The following NXN variants were observed in gnomAD, a reference collection of about 807,000 sequenced individuals.
The protein encoded by NXN is nucleoredoxin.
Under a neutral mutation model 48.6 loss-of-function variants are expected in NXN, and 16 were observed. That is an observed-to-expected ratio of 0.33 (90% confidence interval 0.22 to 0.50). The LOEUF (loss-of-function observed/expected upper bound fraction) is 0.50, where lower values mean the gene tolerates loss of function less well. Among genes scored for constraint, NXN ranks in the 20% least tolerant of loss-of-function variants. NXN has a pLI of 0.98. For missense variants in NXN, 492 were observed against 605.5 expected (o/e 0.81, Z 1.97); for synonymous variants, 281 against 269.6 (o/e 1.04, Z -0.41).
intron 1 of NXN, among the ~76,000 whole-genome samples, chr17:925,450 G>A (rs548381013): frequency 6.7e-4 from 102 of 152,284 alleles, no homozygotes; most frequent in African/African-American, 2.4e-3. Flanking sequence ...ATGCAATGGC[G>A]CGATCTCAGC....
chr17:959,493 GA>G lies in NXN; in HGVS notation c.360+19825del, dbSNP rs60665462. ...GCCCAATAAAGGACTTCAGAAGTGA[GA>G]AAAAAAAAAAAGGTGAAATAGGCCA... On this transcript the variant is annotated intron_variant, in intron 1 of 7. Transcript: ENST00000336868. 6.1e-4 allele frequency: 90 copies of G among 147,918 alleles called. 1 individual carries two copies. The highest frequency in any genetic ancestry group is 1.8e-3 in the African/African-American group (71 of 39,730). The allele number at this position is 147,918 out of a possible 1,614,324, so 9.2% of individuals were successfully genotyped here. A position where few individuals can be genotyped will look rare whatever the true frequency, so the allele number is the denominator to read the frequency against.
intron 1 of NXN, among the ~76,000 whole-genome samples, chr17:941,283 A>C (rs1310080330): frequency 6.2e-5 from 7 of 112,046 alleles, no homozygotes; most frequent in East Asian, 6.1e-4. Context: ...GAATTCACCA[A>C]ACACCTTCCT....
chr17:950,494 C>T (rs564147386), intron 1 of NXN, among the ~76,000 whole-genome samples: 48 of 151,228 alleles, frequency 3.2e-4, no homozygotes, highest in African/African-American at 8.8e-4. Flanking sequence ...TCATTTCATC[C>T]CCTGTCGATT....
chr17:864,016 G>A (rs74436197), intron 1 of NXN: 28 of 1,531,394 alleles, frequency 1.8e-5, no homozygotes, highest in Non-Finnish European at 2.3e-5. Flanking sequence ...CACAGTTACC[G>A]TTGCTGGGTT....
chr17:979,334 C>A lies in NXN; in HGVS notation c.345G>T (p.Lys115Asn), dbSNP rs751316545. Residue 115 changes from lysine (K) to asparagine (N), a missense_variant, in exon 1 of 8, where the codon AAG becomes AAT. Physicochemically the swap from Lys to Asn is moderately conservative, Grantham distance 94. This residue lies in a region of NXN where 186 missense variants were observed against 199.1 expected (regional missense o/e 0.93). Coordinates refer to ENST00000336868, the MANE Select transcript of NXN (RefSeq NM_022463.5). ...CGCCGCTCACCTTCCTGTGCTTCTC[C>A]TTGTAGGGCAGCGCCAGCCACGGCA... ...RDMPWLALPYKEKHRKLKLWN... is the reference protein window; with the variant it reads ...RDMPWLALPYNEKHRKLKLWN... 16 of 1,520,226 alleles carry A rather than the reference C, an allele frequency of 1.1e-5. No individual in the cohort carries two copies. Among genetic ancestry groups the A allele is most frequent in the Non-Finnish European group, 1.4e-5 (16 of 1,139,208 alleles). The allele number at this position is 1,520,226 out of a possible 1,614,324, so 94.2% of individuals were successfully genotyped here.
At chr17:878,646 C>G (rs992214946) in intron 1 of NXN, among the ~76,000 whole-genome samples, 1 of 151,958 alleles carries the variant, frequency 6.6e-6, no homozygotes, top group Non-Finnish European at 1.5e-5. Flanking sequence ...GTTCTGGGAG[C>G]TGTGTAGACA....
intron 1 of NXN, among the ~76,000 whole-genome samples, chr17:936,036 G>A (rs891894470): frequency 4.2e-5 from 6 of 142,078 alleles, no homozygotes; most frequent in Admixed American, 1.5e-4. Flanking sequence ...AGGTTGCGGC[G>A]AGCCAAGATC....
At chr17:915,172 G>C (rs919304961) in intron 1 of NXN, among the ~76,000 whole-genome samples, 5 of 152,196 alleles carry the variant, frequency 3.3e-5, no homozygotes, top group Non-Finnish European at 5.9e-5. Context: ...CTGACCTCGT[G>C]ATAGGTCCAC....
intron 1 of NXN, among the ~76,000 whole-genome samples, chr17:894,078 AACTCCCTGGAAGCCAGAGGAAGCATCTC>A: frequency 9.9e-6 from 1 of 101,142 alleles, no homozygotes. Context: ...GAAGCATCTC[AACTCCCTGGAAGCCAGAGGAAGCATCTC>A]AACTCCCTGG....
intron 1 of NXN, among the ~76,000 whole-genome samples, chr17:859,611 G>A (rs187391557): frequency 5.3e-5 from 8 of 152,214 alleles, no homozygotes; most frequent in Non-Finnish European, 5.9e-5. Context: ...CTGCACGGAC[G>A]GGCCTGCCAG....
rs547292008 is a variant in NXN, at chr17:878,975, A to G, written c.361-52897T>C. Among the ~76,000 whole-genome samples the G allele has an allele frequency of 1.6e-4, 24 of 152,028 alleles. No individual in the cohort carries two copies. The South Asian group carries it at 4.2e-3, about 26-fold the overall frequency. On this transcript the variant is annotated intron_variant, in intron 1 of 7. Coordinates refer to ENST00000336868, the MANE Select transcript of NXN (RefSeq NM_022463.5). ...AGGTCAGGAGTTCAAGACCAGCCTG[A>G]CCAACATGGCGAAACCCTCTCTCTA...
chr17:806,594 C>T (rs577491244), intron 5 of NXN, among the ~76,000 whole-genome samples: 38 of 152,232 alleles, frequency 2.5e-4, no homozygotes, highest in East Asian at 1.9e-4. Flanking sequence ...ACGTTCCAGA[C>T]GCCTCTCCTC....
At chr17:922,553 G>C (rs2068759246) in intron 1 of NXN, among the ~76,000 whole-genome samples, 1 of 152,208 alleles carries the variant, frequency 6.6e-6, no homozygotes, top group South Asian at 2.1e-4. Context: ...AAAAGACCCA[G>C]TTAGCCTGAG....
chr17:833,866 T>C (rs1913635184), intron 1 of NXN, among the ~76,000 whole-genome samples: 1 of 152,136 alleles, frequency 6.6e-6, no homozygotes. Context: ...TAAGATGACG[T>C]TAACAGTGAA....
At chr17:970,227 A>AGGTTTC (rs2069357836) in intron 1 of NXN, among the ~76,000 whole-genome samples, 1 of 152,178 alleles carries the variant, frequency 6.6e-6, no homozygotes, top group African/African-American at 2.4e-5. Context: ...TGGTGCAGAA[A>AGGTTTC]GCACAGGTTT....
At chr17:823,004 G>A (rs1482603824) in intron 3 of NXN, among the ~76,000 whole-genome samples, 1 of 152,088 alleles carries the variant, frequency 6.6e-6, no homozygotes, top group Non-Finnish European at 1.5e-5. Flanking sequence ...AAAAGCTGAG[G>A]CCGAAGAATC....
At position 812,775 on chromosome 17, in the gene NXN, T is replaced by C. The variant is rs890957088; in HGVS notation, c.820+6664A>G. Among the ~76,000 whole-genome samples the C allele has an allele frequency of 6.2e-5, 8 of 129,230 alleles. No individual in the cohort carries two copies. In the South Asian group the frequency reaches 1.7e-3, roughly 27 times the overall value. 84.8% of individuals were successfully genotyped at this position (129,230 alleles called of 152,430 possible). A position where few individuals can be genotyped will look rare whatever the true frequency, so the allele number is the denominator to read the frequency against. On this transcript the variant is annotated intron_variant, in intron 5 of 7. Coordinates refer to ENST00000336868, the MANE Select transcript of NXN (RefSeq NM_022463.5). The stretch of plus-strand genomic sequence containing the variant: ...GAGTGTGCATATGTGTGAGTGTAGG[T>C]GTGTGCATGTGTGTAGGTGTGTGTG...
chr17:810,360 T>TGCAC (rs1911911985), intron 5 of NXN, among the ~76,000 whole-genome samples: 1 of 152,056 alleles, frequency 6.6e-6, no homozygotes, highest in Non-Finnish European at 1.5e-5. Context: ...TAAGAGTCCG[T>TGCAC]GTGAGTTGCT....
intron 1 of NXN, among the ~76,000 whole-genome samples, chr17:862,121 G>A (rs1412788809): frequency 3.3e-5 from 5 of 151,146 alleles, no homozygotes; most frequent in Admixed American, 3.3e-4. Flanking sequence ...GTGAGCCACC[G>A]TGTTCAGCCA....
Sources: gnomAD v4.1 joint callset for allele counts (sites outside exome capture counted in the v4.1 genomes callset) on GRCh38, gnomAD v4.1.1 for gene constraint, gnomAD v4.1.1 regional missense constraint, MANE v1.5 for transcripts, NCBI Gene and HGNC (gene_info 2026-07-23, HGNC 2026-07-21) for gene names.